BECN1: variants seen among roughly 807,000 people sequenced by gnomAD.
BECN1 encodes beclin-1.
BECN1 carries 15 observed loss-of-function variants against 60.1 expected under a neutral mutation model. The ratio of observed to expected loss-of-function variants is 0.25; its 90% confidence interval spans 0.17 to 0.38. The LOEUF (loss-of-function observed/expected upper bound fraction) is 0.38, where lower values mean the gene tolerates loss of function less well. Among genes scored for constraint, BECN1 ranks in the 10% least tolerant of loss-of-function variants. The probability of loss-of-function intolerance (pLI) is 1.00; values close to 1 mark genes in which losing one functional copy is unlikely to be tolerated. For synonymous variants in BECN1, 179 were observed against 201.8 expected (o/e 0.89, Z 0.96); for missense variants, 424 against 548.2 (o/e 0.77, Z 2.26).
intron 10 of BECN1, chr17:42,812,903 C>T (rs1367409101): frequency 3.1e-5 from 4 of 128,686 alleles, no homozygotes; most frequent in East Asian, 5.4e-4. Flanking sequence ...GGCGCAATCT[C>T]GGCTTACTGT....
In BECN1 at chr17:42,810,812, G is replaced by A. The variant is rs2054982118; in HGVS notation, c.1301C>T (p.Thr434Met). 1.9e-6 allele frequency: 3 copies of A among 1,613,338 alleles called. No individual in the cohort carries two copies. Among genetic ancestry groups the A allele is most frequent in the Non-Finnish European group, 2.5e-6 (3 of 1,179,658 alleles). The change falls in exon 12 of 12, where the codon ACG becomes ATG. Residue 434 changes from threonine (T) to methionine (M), a missense_variant. Physicochemically the swap from Thr to Met is moderately conservative, Grantham distance 81. Around this residue, in one of 3 missense-constraint regions of BECN1, gnomAD observed 326 missense variants for 406.2 expected, o/e 0.80. Transcript: ENST00000590099. ...CCAAGCAAGACCCCACTTAAGATTC[G>A]TCAGCATGAACTTGAGAGCTTTTGT... The part of the protein sequence containing the change: ...QWTKALKFML[T>M]NLKWGLAWVS...
intron 2 of BECN1, among the ~76,000 whole-genome samples, chr17:42,821,391 A>T (rs1241561796): frequency 6.6e-6 from 1 of 152,206 alleles, no homozygotes; most frequent in Admixed American, 6.5e-5. Context: ...TCTGTCAAAA[A>T]TACAGAAATA....
intron 10 of BECN1, among the ~76,000 whole-genome samples, chr17:42,813,185 T>C (rs1166066989): frequency 6.6e-6 from 1 of 151,888 alleles, no homozygotes; most frequent in Non-Finnish European, 1.5e-5. Context: ...CTTTGTTTCA[T>C]GCACAAAATT....
chr17:42,814,256 A>G (rs2055098372), intron 9 of BECN1: 3 of 569,190 alleles, frequency 5.3e-6, no homozygotes. Flanking sequence ...AATTTAAGAA[A>G]CAAAAACTGA....
chr17:42,813,001 A>AT (rs528768459), intron 10 of BECN1: 2,807 of 124,994 alleles, frequency 0.022, 82 homozygotes, highest in African/African-American at 0.069. Context: ...CGCCCAGCTG[A>AT]TTTTTTTTTT....
At position 42,822,552 on chromosome 17, in the gene BECN1, G is replaced by A. The variant is rs532437849; in HGVS notation, c.130+1196C>T. ...TTAATCTGAATTCTTCTGACTTTGCGGGATTTTGGGGTTTTTTATTTTTTT... is the reference window on the plus strand; with the variant it reads ...TTAATCTGAATTCTTCTGACTTTGCAGGATTTTGGGGTTTTTTATTTTTTT... On this transcript the variant is annotated intron_variant, in intron 2 of 11. Transcript: ENST00000590099. Among the ~76,000 whole-genome samples the A allele has an allele frequency of 6.6e-5, 10 of 152,124 alleles. No individual in the cohort carries two copies. The South Asian group carries it at 1.2e-3, about 19-fold the overall frequency.
intron 4 of BECN1, 168 bp from the exon 5 acceptor site, chr17:42,819,045 G>A: frequency 3.0e-6 from 2 of 677,264 alleles, no homozygotes; most frequent in Non-Finnish European, 4.9e-6. Flanking sequence ...CCAAAGGAAG[G>A]CCATGCTGGT....
Position 42,814,797 on chromosome 17 carries a change from G to A in BECN1, c.831-124C>T. The A allele has an allele frequency of 8.0e-6, 10 of 1,256,986 alleles. No individual in the cohort carries two copies. The South Asian group carries it at 1.5e-4, about 19-fold the overall frequency. The allele number at this position is 1,256,986 out of a possible 1,614,324, so 77.9% of individuals were successfully genotyped here. A position where few individuals can be genotyped will look rare whatever the true frequency, so the allele number is the denominator to read the frequency against. On this transcript the variant is annotated intron_variant, in intron 8 of 11. Transcript: ENST00000590099. ...AAGTCCATATATGCAAGCTGTACTT[G>A]GCACTTTAAATACATGTCCAAAACT... is the stretch of plus-strand genomic sequence containing the variant.
chr17:42,811,292 T>G (rs564563885), intron 11 of BECN1: 1 of 278,372 alleles, frequency 3.6e-6, no homozygotes, highest in African/African-American at 2.2e-5. Context: ...GCAGCCTTAC[T>G]CTAAGTAAAA....
intron 7 of BECN1, among the ~76,000 whole-genome samples, chr17:42,816,598 G>A (rs2055151531): frequency 6.8e-6 from 1 of 147,980 alleles, no homozygotes; most frequent in Non-Finnish European, 1.5e-5. Flanking sequence ...GTTGCAGTGA[G>A]CTATCACACC....
chr17:42,811,901 C>G, intron 10 of BECN1, 104 bp from the exon 11 acceptor site: 2 of 1,391,376 alleles, frequency 1.4e-6, no homozygotes, highest in South Asian at 2.9e-5. Flanking sequence ...GTCTGTATCC[C>G]ACTGGAAACT....
chr17:42,811,043 G>T, intron 11 of BECN1, 115 bp from the exon 12 acceptor site: 1 of 1,109,596 alleles, frequency 9.0e-7, no homozygotes, highest in Non-Finnish European at 1.2e-6. Flanking sequence ...AGAACACTTG[G>T]TGAGGAATGA....
At chr17:42,816,225 T>G (rs1278644478) in intron 7 of BECN1, among the ~76,000 whole-genome samples, 171 bp from the exon 8 acceptor site, 1 of 152,188 alleles carries the variant, frequency 6.6e-6, no homozygotes, top group Non-Finnish European at 1.5e-5. Context: ...CTGTTTTGCC[T>G]GGAAGGAACA....
chr17:42,820,178 T>TC (rs1325793970), intron 3 of BECN1, among the ~76,000 whole-genome samples: 3 of 152,058 alleles, frequency 2.0e-5, no homozygotes, highest in Non-Finnish European at 4.4e-5. Context: ...ACATCAGCAC[T>TC]CCCCCAGTGA....
intron 9 of BECN1, 134 bp downstream of exon 9, chr17:42,814,390 A>G: frequency 1.6e-6 from 2 of 1,216,798 alleles, no homozygotes; most frequent in Non-Finnish European, 2.3e-6. Flanking sequence ...TCAGATGCTG[A>G]CAGCTCTTCA....
chr17:42,823,594 T>C (rs1194314629), intron 2 of BECN1, 154 bp downstream of exon 2: 4 of 1,151,996 alleles, frequency 3.5e-6, no homozygotes, highest in Admixed American at 2.8e-5. Flanking sequence ...ATGCTTTATG[T>C]TTCCAAGGAG....
intron 9 of BECN1, 80 bp from the exon 10 acceptor site, chr17:42,814,088 A>C: frequency 9.9e-7 from 1 of 1,006,624 alleles, no homozygotes; most frequent in Non-Finnish European, 1.5e-6. Context: ...CAATGATTTC[A>C]CTCTTCATTC....
chr17:42,816,074 C>A lies in BECN1; in HGVS notation c.684-20G>T. The A allele has an allele frequency of 6.4e-7, 1 of 1,552,772 alleles. No individual in the cohort carries two copies. On this transcript the variant is annotated intron_variant, in intron 7 of 11. Coordinates refer to ENST00000590099, the MANE Select transcript of BECN1 (RefSeq NM_001313998.2). ...TGATACCTGTGAGCAGCCAAGGGGG[C>A]CATTGAAGGCTGTTAGCTTGGGGGC...
At position 42,823,766 on chromosome 17, in the gene BECN1, T is replaced by A; in HGVS notation, c.112A>T (p.Thr38Ser). ...DTSFKILDRVTIQELTAPLLT... is the reference protein window; with the variant it reads ...DTSFKILDRVSIQELTAPLLT... ...CGCTGACCTGTGAGTTCCTGGATGG[T>A]GACACGGTCCAGGATCTTGAAACTC... Residue 38 changes from threonine to serine, a missense_variant, in exon 2 of 12, where the codon ACC (threonine) becomes TCC (serine). Physicochemically the swap from Thr to Ser is moderately conservative, Grantham distance 58. Transcript: ENST00000590099. 1 of 1,614,048 alleles carries A rather than the reference T, an allele frequency of 6.2e-7. No individual in the cohort carries two copies. The highest frequency in any genetic ancestry group is 1.3e-5 in the African/African-American group (1 of 75,048).
Sources: gnomAD v4.1 joint callset for allele counts (sites outside exome capture counted in the v4.1 genomes callset) on GRCh38, gnomAD v4.1.1 for gene constraint, gnomAD v4.1.1 regional missense constraint, MANE v1.5 for transcripts, NCBI Gene and HGNC (gene_info 2026-07-23, HGNC 2026-07-21) for gene names.